DIS3L2: variants seen among roughly 807,000 people sequenced by gnomAD.
DIS3L2 encodes DIS3 like 3'-5' exoribonuclease 2.
DIS3L2 carries 34 observed loss-of-function variants against 97.5 expected under a neutral mutation model. The ratio of observed to expected loss-of-function variants is 0.35; its 90% CI spans 0.27 to 0.46. DIS3L2 has a LOEUF of 0.46. Ranked by LOEUF, DIS3L2 falls within the 20% of genes least tolerant of loss-of-function variation. DIS3L2 has a pLI of 1.00. For synonymous variants in DIS3L2, 435 were observed against 445.2 expected (o/e 0.98, Z 0.29); for missense variants, 1,038 against 1,146.0 (o/e 0.91, Z 1.36).
intron 1 of DIS3L2, among the ~76,000 whole-genome samples, chr2:232,004,592 T>C (rs1574803646): frequency 1.3e-5 from 2 of 151,874 alleles, no homozygotes; most frequent in African/African-American, 2.4e-5. Flanking sequence ...TTTTTTTTTT[T>C]CTTTTTGAGA....
chr2:232,319,211 A>G (rs1695359785), intron 14 of DIS3L2, among the ~76,000 whole-genome samples: 1 of 152,180 alleles, frequency 6.6e-6, no homozygotes, highest in African/African-American at 2.4e-5. Context: ...ACCCTACCAC[A>G]CTGGCCTTCC....
intron 1 of DIS3L2, among the ~76,000 whole-genome samples, chr2:232,000,128 C>T (rs1306470541): frequency 6.6e-6 from 1 of 152,130 alleles, no homozygotes; most frequent in Admixed American, 6.5e-5. Flanking sequence ...ACTTTAAATC[C>T]TCTAGGTTAC....
chr2:232,061,106 G>C (rs1695691493), intron 5 of DIS3L2, among the ~76,000 whole-genome samples: 1 of 152,126 alleles, frequency 6.6e-6, no homozygotes, highest in Non-Finnish European at 1.5e-5. Context: ...AGAATACTTT[G>C]ACTTCTTCCT....
intron 5 of DIS3L2, among the ~76,000 whole-genome samples, chr2:232,043,064 G>T (rs867125893): frequency 2.0e-5 from 3 of 152,206 alleles, no homozygotes; most frequent in Non-Finnish European, 4.4e-5. Flanking sequence ...TGGTGTTTTA[G>T]TATGTGTTTC....
At position 232,329,897 on chromosome 2, in the gene DIS3L2, C is replaced by T; in HGVS notation, c.1824C>T (p.Arg608=). 1 of 1,612,400 alleles carries T rather than the reference C, an allele frequency of 6.2e-7. No homozygotes were observed. Among genetic ancestry groups the T allele is most frequent in the Non-Finnish European group, 8.5e-7 (1 of 1,179,540 alleles). ...HRAFPEQALL[R]RHPPPQTRML... ...CCTTCCCCGAGCAGGCCCTGCTGCGCCGGCACCCCCCGCCCCAAACAAGGA... is the reference window on the plus strand; with the variant it reads ...CCTTCCCCGAGCAGGCCCTGCTGCGTCGGCACCCCCCGCCCCAAACAAGGA... The change falls in exon 15 of 21, where the codon CGC becomes CGT. Residue 608 remains arginine, a synonymous_variant. Transcript: ENST00000325385.
intron 3 of DIS3L2, among the ~76,000 whole-genome samples, chr2:232,021,509 G>C (rs1694511500): frequency 6.6e-6 from 1 of 152,002 alleles, no homozygotes; most frequent in Non-Finnish European, 1.5e-5. Context: ...GTGAACGTGG[G>C]AGAGAGTAGG....
At position 232,181,460 on chromosome 2, in the gene DIS3L2, G is replaced by A. The variant is rs376719622; in HGVS notation, c.1124+17828G>A. ...ACTTTCAGAGTGACACCAATGAGACGTAGATTTGGTCCTTTCACATAGTCC... is the reference window on the plus strand; with the variant it reads ...ACTTTCAGAGTGACACCAATGAGACATAGATTTGGTCCTTTCACATAGTCC... On this transcript the variant is annotated intron_variant, in intron 9 of 20. Transcript: ENST00000325385. 5.3e-5 allele frequency among the ~76,000 whole-genome samples: 8 copies of A among 152,058 alleles called. No individual in the cohort carries two copies. The South Asian group carries it at 1.0e-3, about 20-fold the overall frequency.
chr2:232,336,741 G>C lies in DIS3L2; in HGVS notation c.*111G>C. ...TAATTTGGTTTTTAACAACTCAGGG[G>C]TTTGTTTTTATTTTTATTTAATTTT... On this transcript the variant is annotated 3_prime_UTR_variant, in exon 21 of 21. Transcript: ENST00000325385. 6.7e-7 allele frequency: 1 copy of C among 1,490,332 alleles called. No individual in the cohort carries two copies. The highest frequency in any genetic ancestry group is 1.3e-5 in the South Asian group (1 of 76,878). The allele number at this position is 1,490,332 out of a possible 1,614,324, so 92.3% of individuals were successfully genotyped here. A position where few individuals can be genotyped will look rare whatever the true frequency, so the allele number is the denominator to read the frequency against.
At chr2:232,188,869 G>T (rs766232792) in intron 9 of DIS3L2, among the ~76,000 whole-genome samples, 1 of 152,152 alleles carries the variant, frequency 6.6e-6, no homozygotes, top group Non-Finnish European at 1.5e-5. Context: ...TCTAGAGTAC[G>T]TAAAGAACCT....
chr2:232,025,329 A>G (rs1694626678), intron 4 of DIS3L2, among the ~76,000 whole-genome samples: 1 of 152,102 alleles, frequency 6.6e-6, no homozygotes, highest in South Asian at 2.1e-4. Flanking sequence ...TCAGTGCCCA[A>G]AGAGTTTTAT....
intron 5 of DIS3L2, among the ~76,000 whole-genome samples, chr2:232,049,969 G>A (rs1295276700): frequency 6.6e-6 from 1 of 152,076 alleles, no homozygotes; most frequent in African/African-American, 2.4e-5. Context: ...CCTTTTGCTT[G>A]TAGCCAGACT....
chr2:232,262,777 T>C (rs1479137261), intron 12 of DIS3L2, among the ~76,000 whole-genome samples: 1 of 151,890 alleles, frequency 6.6e-6, no homozygotes, highest in Non-Finnish European at 1.5e-5. Flanking sequence ...TTTTTGTCAG[T>C]GGCCCCACCT....
At chr2:232,085,392 G>A (rs1358729400) in intron 5 of DIS3L2, among the ~76,000 whole-genome samples, 1 of 152,140 alleles carries the variant, frequency 6.6e-6, no homozygotes, top group African/African-American at 2.4e-5. Context: ...TTCATCATTT[G>A]TCACCCCACT....
At chr2:232,340,844 C>T, downstream of DIS3L2, 1 of 471,528 alleles carries the variant, frequency 2.1e-6, no homozygotes, top group Non-Finnish European at 4.4e-6. Flanking sequence ...ACTGCTCATG[C>T]CTATCCGTGC....
In DIS3L2 at chr2:232,024,302, A is replaced by C. The variant is rs1694599188; in HGVS notation, c.236A>C (p.Lys79Thr). ...GGTGTATTGAGAATTAATCCAAAGA[A>C]GTTTCATGAAGCCTTCATTCCTTCC... ...IQGVLRINPK[K>T]FHEAFIPSPD... The change falls in exon 4 of 21, where the codon AAG becomes ACG. Residue 79 changes from lysine (K) to threonine (T), a missense_variant. Around this residue, in one of 3 missense-constraint regions of DIS3L2, gnomAD observed 813 missense variants for 880.1 expected, o/e 0.92. Coordinates refer to ENST00000325385, the MANE Select transcript of DIS3L2 (RefSeq NM_152383.5). 6.2e-7 allele frequency: 1 copy of C among 1,603,700 alleles called. No homozygotes were observed. The highest frequency in any genetic ancestry group is 1.3e-5 in the African/African-American group (1 of 74,520).
Position 232,333,969 on chromosome 2 carries a change from C to A in DIS3L2, c.2140C>A (p.Leu714Ile), listed in dbSNP as rs749697162. ...CTTTGCCGACGTCCTGGTGCACCGC[C>A]TCCTGGCTGCCGCGTTAGGTGAGGG... ...RRFADVLVHR[L>I]LAAALGYRER... Residue 714 changes from leucine to isoleucine, a missense_variant, in exon 17 of 21, where the codon CTC becomes ATC. By Grantham distance (5) the Leu-to-Ile change is conservative. Coordinates refer to ENST00000325385, the MANE Select transcript of DIS3L2 (RefSeq NM_152383.5). 3 of 1,611,876 alleles carry A rather than the reference C, an allele frequency of 1.9e-6. No homozygotes were observed. In the South Asian group the frequency reaches 3.3e-5, roughly 18 times the overall value.
chr2:232,076,698 T>A (rs1696197305), intron 5 of DIS3L2, among the ~76,000 whole-genome samples: 1 of 152,164 alleles, frequency 6.6e-6, no homozygotes, highest in African/African-American at 2.4e-5. Flanking sequence ...AAATTTCTTT[T>A]ATTATATCTT....
chr2:232,185,605 C>T (rs115111693), intron 9 of DIS3L2, among the ~76,000 whole-genome samples: 1,816 of 152,206 alleles, frequency 0.012, 17 homozygotes, highest in Non-Finnish European at 0.018. Context: ...AAGGCCTAGG[C>T]GGGTGGATCA....
At chr2:232,265,314 C>G (rs1693825432) in intron 13 of DIS3L2, among the ~76,000 whole-genome samples, 1 of 152,206 alleles carries the variant, frequency 6.6e-6, no homozygotes, top group African/African-American at 2.4e-5. Flanking sequence ...AACCTTTGTT[C>G]TTTCTGTATC....
Sources: gnomAD v4.1 joint callset for allele counts (sites outside exome capture counted in the v4.1 genomes callset) on GRCh38, gnomAD v4.1.1 for gene constraint, gnomAD v4.1.1 regional missense constraint, MANE v1.5 for transcripts, NCBI Gene and HGNC (gene_info 2026-07-23, HGNC 2026-07-21) for gene names.